GPR158: variants seen among roughly 807,000 people sequenced by gnomAD.
GPR158 encodes the protein metabotropic glycine receptor.
In GPR158, 30 loss-of-function variants were observed where a neutral mutation model predicts 78.2. That is an observed-to-expected ratio of 0.38 (90% CI 0.29 to 0.52). The LOEUF is 0.52. Among genes scored for constraint, GPR158 ranks in the 20% least tolerant of loss-of-function variants. The pLI is 0.83. For missense variants in GPR158, 1,463 were observed against 1,523.5 expected (o/e 0.96, Z 0.66); for synonymous variants, 581 against 591.1 (o/e 0.98, Z 0.25).
At chr10:25,262,934 C>T (rs1260155946) in intron 2 of GPR158, among the ~76,000 whole-genome samples, 1 of 152,144 alleles carries the variant, frequency 6.6e-6, no homozygotes, top group Non-Finnish European at 1.5e-5. Flanking sequence ...CAGTTCTTTG[C>T]ACACTTTGCA....
intron 2 of GPR158, among the ~76,000 whole-genome samples, chr10:25,338,391 A>C (rs78234167): frequency 0.13 from 18,948 of 144,024 alleles, 2,044 homozygotes; most frequent in African/African-American, 0.31. Context: ...ATCTCTCTCT[A>C]TATATATTAT....
intron 2 of GPR158, among the ~76,000 whole-genome samples, chr10:25,247,254 T>A (rs544305223): frequency 6.6e-6 from 1 of 152,292 alleles, no homozygotes; most frequent in East Asian, 1.9e-4. Flanking sequence ...CTGAGTCTTG[T>A]GCACAATAAC....
At chr10:25,388,500 C>T (rs903879256) in intron 2 of GPR158, among the ~76,000 whole-genome samples, 1 of 152,256 alleles carries the variant, frequency 6.6e-6, no homozygotes, top group Non-Finnish European at 1.5e-5. Flanking sequence ...ATGGGGCTGG[C>T]CCCAGGAACA....
At chr10:25,195,597 C>T (rs187616112) in intron 1 of GPR158, among the ~76,000 whole-genome samples, 4 of 152,274 alleles carry the variant, frequency 2.6e-5, no homozygotes, top group Admixed American at 2.6e-4. Context: ...TTGTATAAGT[C>T]GCTTTAGGTC....
chr10:25,397,542 G>A (rs899578131), intron 3 of GPR158, among the ~76,000 whole-genome samples: 1 of 152,230 alleles, frequency 6.6e-6, no homozygotes, highest in African/African-American at 2.4e-5. Context: ...TCTTCCTCTG[G>A]GAATTTTGGT....
At chr10:25,351,714 T>C (rs371807724) in intron 2 of GPR158, among the ~76,000 whole-genome samples, 14 of 146,114 alleles carry the variant, frequency 9.6e-5, no homozygotes, top group East Asian at 3.9e-4. Flanking sequence ...TTCTTTCTTT[T>C]TTTTTTTTTT....
chr10:25,596,992 A>T (rs1217238328), intron 10 of GPR158, among the ~76,000 whole-genome samples: 1 of 152,214 alleles, frequency 6.6e-6, no homozygotes, highest in Admixed American at 6.5e-5. Context: ...GAACCATAGT[A>T]TAAATTAGAA....
At chr10:25,178,201 G>A (rs1189807487) in intron 1 of GPR158, among the ~76,000 whole-genome samples, 2 of 152,164 alleles carry the variant, frequency 1.3e-5, no homozygotes, top group Non-Finnish European at 2.9e-5. Context: ...CTGAAGCCCA[G>A]AGGGGTTCAG....
Position 25,597,868 on chromosome 10 carries a change from A to T in GPR158, c.2242A>T (p.Lys748Ter). Residue 748 changes from lysine (K) to a stop codon, truncating the protein, a stop_gained, in exon 11 of 11, where the codon AAG becomes TAG. Transcript: ENST00000376351. LOFTEE classifies it low-confidence loss of function (END_TRUNC). ...CCTCCAGAAAAAGCGGTGCTCGAAG[A>T]AGGGCCTAGGTCGTTCCATCATGAG... ...PHLQKKRCSK[K>*]GLGRSIMRRI... 6.4e-7 allele frequency: 1 copy of T among 1,553,936 alleles called. No homozygotes were observed. Among genetic ancestry groups the T allele is most frequent in the South Asian group, 1.2e-5 (1 of 80,786 alleles).
At chr10:25,574,057 T>C (rs891636849) in intron 7 of GPR158, among the ~76,000 whole-genome samples, 2 of 150,448 alleles carry the variant, frequency 1.3e-5, no homozygotes, top group African/African-American at 4.9e-5. Flanking sequence ...CATTATTTTA[T>C]GCTCTCAGTG....
chr10:25,380,222 C>G (rs183882765), intron 2 of GPR158, among the ~76,000 whole-genome samples: 131 of 152,238 alleles, frequency 8.6e-4, no homozygotes, highest in African/African-American at 3.0e-3. Context: ...TTAGAAATCC[C>G]AAGTGCTCCT....
intron 6 of GPR158, among the ~76,000 whole-genome samples, chr10:25,568,698 TTTTC>T (rs1253743111): frequency 3.9e-5 from 6 of 152,204 alleles, no homozygotes; most frequent in East Asian, 1.9e-4. Flanking sequence ...GGGTTGTCCT[TTTTC>T]TTTGTCATTT....
At chr10:25,254,909 C>T (rs923846089) in intron 2 of GPR158, among the ~76,000 whole-genome samples, 8 of 152,154 alleles carry the variant, frequency 5.3e-5, no homozygotes, top group Admixed American at 5.2e-4. Flanking sequence ...AGGCTCAGCT[C>T]AGTTAATTTC....
intron 5 of GPR158, among the ~76,000 whole-genome samples, chr10:25,513,213 G>A (rs556231090): frequency 2.6e-5 from 4 of 150,946 alleles, no homozygotes; most frequent in Admixed American, 6.6e-5. Context: ...TTTCAGTCTC[G>A]CTGTTTGCCA....
chr10:25,189,868 G>GTT (rs1222029103), intron 1 of GPR158, among the ~76,000 whole-genome samples: 3 of 146,350 alleles, frequency 2.0e-5, no homozygotes, highest in African/African-American at 7.5e-5. Flanking sequence ...GTGTGTGTGT[G>GTT]TGTGTATGTG....
intron 5 of GPR158, among the ~76,000 whole-genome samples, chr10:25,529,938 C>T (rs1291171347): frequency 6.6e-6 from 1 of 152,188 alleles, no homozygotes; most frequent in African/African-American, 2.4e-5. Flanking sequence ...ATTTTTGTCT[C>T]ACTTTTCCAT....
intron 2 of GPR158, among the ~76,000 whole-genome samples, chr10:25,368,063 G>A (rs73608285): frequency 0.011 from 1,725 of 151,972 alleles, 37 homozygotes; most frequent in African/African-American, 0.04. Flanking sequence ...TGTCTCTGAA[G>A]TTCATCTTTT....
At chr10:25,300,642 C>T (rs75626472) in intron 2 of GPR158, among the ~76,000 whole-genome samples, 1,909 of 152,088 alleles carry the variant, frequency 0.013, 46 homozygotes, top group African/African-American at 0.043. Context: ...TGCTAGAGGT[C>T]GTCACGAAAC....
intron 5 of GPR158, among the ~76,000 whole-genome samples, chr10:25,529,951 G>A (rs562290277): frequency 2.0e-5 from 3 of 152,166 alleles, no homozygotes; most frequent in East Asian, 1.9e-4. Flanking sequence ...TTTTCCATCC[G>A]TTTGATTAGG....
Sources: allele counts gnomAD v4.1 joint callset (sites outside exome capture counted in the v4.1 genomes callset), GRCh38; gene constraint gnomAD v4.1.1; transcripts MANE v1.5; gene names NCBI Gene and HGNC (gene_info 2026-07-23, HGNC 2026-07-21).